SLC24A2: variants seen among roughly 807,000 people sequenced by gnomAD.
SLC24A2 encodes solute carrier family 24 member 2.
Under a neutral mutation model 62.0 loss-of-function variants are expected in SLC24A2, and 36 were observed. The ratio of observed to expected loss-of-function variants is 0.58; its 90% confidence interval spans 0.44 to 0.77. The LOEUF (loss-of-function observed/expected upper bound fraction) is 0.77. SLC24A2 is among the 30% of genes least tolerant of loss of function. The probability of loss-of-function intolerance (pLI) is 0.00; values close to 1 mark genes in which losing one functional copy is unlikely to be tolerated. For missense variants in SLC24A2, 846 were observed against 817.9 expected (o/e 1.03, Z -0.42); for synonymous variants, 358 against 294.0 (o/e 1.22, Z -2.23).
At chr9:19,640,627 T>G (rs1196170433) in intron 2 of SLC24A2, among the ~76,000 whole-genome samples, 1 of 152,176 alleles carries the variant, frequency 6.6e-6, no homozygotes, top group Non-Finnish European at 1.5e-5. Flanking sequence ...AAAATAAATA[T>G]TAGTGCAAAA....
At chr9:19,574,622 A>G (rs1835952101) in intron 6 of SLC24A2, among the ~76,000 whole-genome samples, 1 of 25,530 alleles carries the variant, frequency 3.9e-5, no homozygotes, top group Non-Finnish European at 8.2e-5. Flanking sequence ...CATATAAAAC[A>G]CTGTAGCATA....
the SLC24A2 span, among the ~76,000 whole-genome samples, chr9:19,886,903 G>A: frequency 6.6e-6 from 1 of 152,018 alleles, no homozygotes; most frequent in Non-Finnish European, 1.5e-5. Flanking sequence ...TCCTTTGCAG[G>A]GACATGGATA....
intron 4 of SLC24A2, among the ~76,000 whole-genome samples, chr9:19,605,832 G>C (rs893120122): frequency 5.9e-5 from 9 of 152,202 alleles, no homozygotes; most frequent in Non-Finnish European, 1.3e-4. Context: ...ATTTTACAAA[G>C]GAGGAAGCTG....
the SLC24A2 span, among the ~76,000 whole-genome samples, chr9:20,001,069 TA>T: frequency 6.6e-6 from 1 of 152,138 alleles, no homozygotes; most frequent in Admixed American, 6.5e-5. Flanking sequence ...ACTTTAAAAA[TA>T]AACAATCAAA....
the SLC24A2 span, among the ~76,000 whole-genome samples, chr9:20,122,629 T>C: frequency 1.3e-5 from 2 of 152,076 alleles, no homozygotes; most frequent in Non-Finnish European, 1.5e-5. Context: ...GAGATTGCAG[T>C]GAGTCGAGAT....
chr9:19,662,919 G>C (rs1461450501), intron 2 of SLC24A2, among the ~76,000 whole-genome samples: 1 of 152,106 alleles, frequency 6.6e-6, no homozygotes, highest in Non-Finnish European at 1.5e-5. Context: ...TGTCTAACTG[G>C]TTTTAGATCA....
At chr9:19,791,959 C>T (rs2118965652), upstream of SLC24A2, among the ~76,000 whole-genome samples, 1 of 152,226 alleles carries the variant, frequency 6.6e-6, no homozygotes, top group South Asian at 2.1e-4. Flanking sequence ...ATTGGTATTA[C>T]CAGTTAAGAA....
At chr9:19,623,440 C>T (rs1347064398) in intron 2 of SLC24A2, among the ~76,000 whole-genome samples, 1 of 152,136 alleles carries the variant, frequency 6.6e-6, no homozygotes, top group East Asian at 1.9e-4. Flanking sequence ...TCTACCACAC[C>T]TACCATGTAA....
At chr9:20,265,614 A>C in the SLC24A2 span, among the ~76,000 whole-genome samples, 16 of 152,294 alleles carry the variant, frequency 1.1e-4, no homozygotes, top group Admixed American at 7.8e-4. Flanking sequence ...CCCTGTGATG[A>C]TTGCGTTAAC....
At chr9:19,918,662 A>T in the SLC24A2 span, among the ~76,000 whole-genome samples, 1 of 152,156 alleles carries the variant, frequency 6.6e-6, no homozygotes, top group African/African-American at 2.4e-5. Context: ...AGTGTATGCC[A>T]TAAAAGGGTC....
At chr9:20,163,445 A>T in the SLC24A2 span, among the ~76,000 whole-genome samples, 3 of 152,156 alleles carry the variant, frequency 2.0e-5, no homozygotes, top group African/African-American at 7.2e-5. Flanking sequence ...GACCTCTTCA[A>T]GGAGAACTAC....
intron 5 of SLC24A2, among the ~76,000 whole-genome samples, chr9:19,588,797 C>CT (rs1836454881): frequency 6.6e-6 from 1 of 152,110 alleles, no homozygotes; most frequent in South Asian, 2.1e-4. Flanking sequence ...CCCGTCTCTA[C>CT]TAAAAATACA....
At chr9:20,163,188 A>G in the SLC24A2 span, among the ~76,000 whole-genome samples, 104 of 152,252 alleles carry the variant, frequency 6.8e-4, 2 homozygotes, top group South Asian at 0.02. Context: ...AGGAAGTCAA[A>G]TTGTCCCTGT....
chr9:20,156,404 G>C, the SLC24A2 span, among the ~76,000 whole-genome samples: 1 of 151,676 alleles, frequency 6.6e-6, no homozygotes, highest in African/African-American at 2.4e-5. Flanking sequence ...ATCACACAGT[G>C]AATCTATGAA....
the SLC24A2 span, among the ~76,000 whole-genome samples, chr9:20,229,957 C>A: frequency 1.4e-5 from 2 of 143,232 alleles, no homozygotes; most frequent in South Asian, 2.3e-4. Flanking sequence ...TTGTTCAATT[C>A]GCACCTATGA....
chr9:19,820,416 A>AC, the SLC24A2 span, among the ~76,000 whole-genome samples: 17 of 151,274 alleles, frequency 1.1e-4, no homozygotes, highest in African/African-American at 3.9e-4. Flanking sequence ...TACCACCTGT[A>AC]CCCCATAACT....
intron 2 of SLC24A2, among the ~76,000 whole-genome samples, chr9:19,643,887 T>C (rs1027359511): frequency 6.6e-5 from 10 of 152,254 alleles, no homozygotes; most frequent in African/African-American, 2.4e-4. Context: ...GAATTTTACA[T>C]CTTTGCTTCC....
chr9:19,652,811 T>A (rs1253208880), intron 2 of SLC24A2, among the ~76,000 whole-genome samples: 3 of 152,222 alleles, frequency 2.0e-5, no homozygotes, highest in Admixed American at 1.3e-4. Flanking sequence ...CTTTGTAGTT[T>A]ATCTCACCAG....
the SLC24A2 span, among the ~76,000 whole-genome samples, chr9:19,975,706 C>G: frequency 6.6e-6 from 1 of 151,932 alleles, no homozygotes; most frequent in Non-Finnish European, 1.5e-5. Flanking sequence ...CTGGTTCCAA[C>G]TTTTCATTTG....
Sources: gnomAD v4.1 joint callset for allele counts (sites outside exome capture counted in the v4.1 genomes callset) on GRCh38, gnomAD v4.1.1 for gene constraint, MANE v1.5 for transcripts, NCBI Gene and HGNC (gene_info 2026-07-23, HGNC 2026-07-21) for gene names.